The following MFHAS1 variants were observed in gnomAD, a reference collection of about 807,000 sequenced individuals.
The protein encoded by MFHAS1 is multifunctional ROCO family signaling regulator 1, also known as malignant fibrous histiocytoma-amplified sequence 1.
MFHAS1 carries 50 observed loss-of-function variants against 70.4 expected under a neutral mutation model. The observed-to-expected ratio is 0.71, with a 90% CI of 0.57 to 0.90. MFHAS1 has a LOEUF of 0.90. Ranked by LOEUF, MFHAS1 falls within the 40% of genes least tolerant of loss-of-function variation. MFHAS1 has a pLI of 0.00. For missense variants in MFHAS1, 1,795 were observed against 1,347.6 expected (o/e 1.33, Z -5.20); for synonymous variants, 952 against 620.0 (o/e 1.54, Z -7.96).
At chr8:8,807,645 C>T (rs911789408) in intron 1 of MFHAS1, among the ~76,000 whole-genome samples, 4 of 152,140 alleles carry the variant, frequency 2.6e-5, no homozygotes, top group Admixed American at 6.5e-5. Context: ...AAGGCATTCG[C>T]GTGGATGGCA....
intron 1 of MFHAS1, among the ~76,000 whole-genome samples, chr8:8,824,592 G>C (rs1807088279): frequency 6.7e-6 from 1 of 150,128 alleles, no homozygotes; most frequent in Non-Finnish European, 1.5e-5. Flanking sequence ...ATCAGAAGAA[G>C]AAAATGATTC....
At chr8:8,845,795 T>C (rs1167934549) in intron 1 of MFHAS1, among the ~76,000 whole-genome samples, 2 of 152,180 alleles carry the variant, frequency 1.3e-5, no homozygotes, top group Non-Finnish European at 2.9e-5. Context: ...ACACCCAATT[T>C]TAATTTTCCC....
At chr8:8,797,311 T>TCTC in intron 2 of MFHAS1, 54 bp downstream of exon 2, 1 of 1,603,152 alleles carries the variant, frequency 6.2e-7, no homozygotes, top group South Asian at 1.1e-5. Context: ...GTCATATCTA[T>TCTC]GGAGCTGGGA....
At chr8:8,865,595 A>G (rs1808827311) in intron 1 of MFHAS1, among the ~76,000 whole-genome samples, 1 of 152,238 alleles carries the variant, frequency 6.6e-6, no homozygotes, top group Non-Finnish European at 1.5e-5. Flanking sequence ...TACTGTCCAG[A>G]AAACTTCATT....
At chr8:8,871,241 C>T (rs1809064540) in intron 1 of MFHAS1, among the ~76,000 whole-genome samples, 1 of 152,106 alleles carries the variant, frequency 6.6e-6, no homozygotes, top group Admixed American at 6.6e-5. Context: ...TTTACTGAGC[C>T]CTTATTATAT....
chr8:8,879,733 C>G (rs1027031907), intron 1 of MFHAS1, among the ~76,000 whole-genome samples: 1 of 152,142 alleles, frequency 6.6e-6, no homozygotes, highest in Non-Finnish European at 1.5e-5. Context: ...TGACATTAAC[C>G]AAGATCCCAA....
At chr8:8,878,822 C>G (rs2116924222) in intron 1 of MFHAS1, among the ~76,000 whole-genome samples, 1 of 152,230 alleles carries the variant, frequency 6.6e-6, no homozygotes, top group East Asian at 1.9e-4. Flanking sequence ...TAAGGAGGAT[C>G]TAAGAAAATT....
At position 8,855,712 on chromosome 8, in the gene MFHAS1, C is replaced by T. The variant is rs183683451; in HGVS notation, c.2998+34349G>A. ...CTCTACTAAAAATACAAAATTTAGC[C>T]AGGCATGGTGGCAGGCACCTGTAAT... is the stretch of plus-strand genomic sequence containing the variant. On this transcript the variant is annotated intron_variant, in intron 1 of 2. Transcript: ENST00000276282. Among the ~76,000 whole-genome samples, 19 of 152,076 alleles carry T rather than the reference C, an allele frequency of 1.2e-4. No individual in the cohort carries two copies. The East Asian group carries it at 3.7e-3, about 30-fold the overall frequency.
In MFHAS1 at chr8:8,890,280, C is replaced by T. The variant is rs755263830; in HGVS notation, c.2779G>A (p.Val927Met). 3 of 1,614,212 alleles carry T rather than the reference C, an allele frequency of 1.9e-6. No homozygotes were observed. Among genetic ancestry groups the T allele is most frequent in the South Asian group, 2.2e-5 (2 of 91,088 alleles). ...FAYRGKVPVV[V>M]SYRPARGVLQ... ...ACTCCCCTGGCAGGTCTGTAACTCA[C>T]AACCACAGGAACTTTCCCTCTATAG... Residue 927 changes from valine (V) to methionine (M), a missense_variant, in exon 1 of 3, where the codon GTG becomes ATG. Physicochemically the swap from Val to Met is conservative, Grantham distance 21. Transcript: ENST00000276282.
At chr8:8,795,210 AAAAG>A (rs1420247446) in intron 2 of MFHAS1, among the ~76,000 whole-genome samples, 2 of 152,192 alleles carry the variant, frequency 1.3e-5, no homozygotes, top group Non-Finnish European at 2.9e-5. Context: ...GGTATTAAAA[AAAAG>A]AGACAGAAGA....
chr8:8,827,430 A>T (rs1391100773), intron 1 of MFHAS1, among the ~76,000 whole-genome samples: 7 of 152,224 alleles, frequency 4.6e-5, no homozygotes, highest in African/African-American at 1.7e-4. Flanking sequence ...CAAGGTGGGT[A>T]TTATCAGACT....
intron 1 of MFHAS1, among the ~76,000 whole-genome samples, chr8:8,830,331 C>G (rs1037142035): frequency 1.3e-5 from 2 of 152,128 alleles, no homozygotes; most frequent in Admixed American, 1.3e-4. Flanking sequence ...TAAAAGAAGA[C>G]TAAGTTATTA....
In MFHAS1 at chr8:8,880,725, C is replaced by T. The variant is rs1346616632; in HGVS notation, c.2998+9336G>A. ...CCCCAGATGGAGTCTTGTTTTGTCG[C>T]CCAGGTTGGAGTATAGCGGCGCAAT... On this transcript the variant is annotated intron_variant, in intron 1 of 2. Coordinates refer to ENST00000276282, the MANE Select transcript of MFHAS1 (RefSeq NM_004225.3). 1.1e-4 allele frequency among the ~76,000 whole-genome samples: 17 copies of T among 151,382 alleles called. 1 individual carries two copies. Among genetic ancestry groups the T allele is most frequent in the African/African-American group, 3.9e-4 (16 of 41,124 alleles).
intron 2 of MFHAS1, among the ~76,000 whole-genome samples, chr8:8,795,474 G>A (rs1307185499): frequency 1.3e-5 from 2 of 152,190 alleles, no homozygotes; most frequent in Non-Finnish European, 2.9e-5. Context: ...CAATGTCTTA[G>A]GGTCAGTGAT....
In MFHAS1 at chr8:8,854,383, T is replaced by C. The variant is rs1349783828; in HGVS notation, c.2998+35678A>G. On this transcript the variant is annotated intron_variant, in intron 1 of 2. Transcript: ENST00000276282. ...AAAAATACAAAAAATCAGCCAGGCT[T>C]GGTGGTGGGCGCCTACAGTCCCAGC... 2.0e-5 allele frequency among the ~76,000 whole-genome samples: 3 copies of C among 152,054 alleles called. 1 individual carries two copies. Among genetic ancestry groups the C allele is most frequent in the Non-Finnish European group, 4.4e-5 (3 of 67,984 alleles).
intron 1 of MFHAS1, among the ~76,000 whole-genome samples, chr8:8,883,383 T>C (rs143021731): frequency 8.5e-5 from 13 of 152,082 alleles, no homozygotes; most frequent in African/African-American, 3.1e-4. Context: ...GATGCCCTAA[T>C]GGATGGATGG....
At chr8:8,835,349 C>G (rs1807560000) in intron 1 of MFHAS1, among the ~76,000 whole-genome samples, 1 of 152,088 alleles carries the variant, frequency 6.6e-6, no homozygotes, top group Non-Finnish European at 1.5e-5. Flanking sequence ...ACACACATTC[C>G]TAAACACTAT....
At chr8:8,797,809 A>G (rs1464095280) in intron 1 of MFHAS1, among the ~76,000 whole-genome samples, 1 of 152,140 alleles carries the variant, frequency 6.6e-6, no homozygotes, top group African/African-American at 2.4e-5. Context: ...CTTTATCTAG[A>G]TATCAACGAC....
chr8:8,874,868 T>A (rs1335207120), intron 1 of MFHAS1, among the ~76,000 whole-genome samples: 9 of 150,226 alleles, frequency 6.0e-5, no homozygotes, highest in Admixed American at 1.3e-4. Flanking sequence ...ATCTTTTATA[T>A]ATGAAGAGTT....
Sources: allele counts gnomAD v4.1 joint callset (sites outside exome capture counted in the v4.1 genomes callset), GRCh38; gene constraint gnomAD v4.1.1; transcripts MANE v1.5; gene names NCBI Gene and HGNC (gene_info 2026-07-23, HGNC 2026-07-21).